Variants in CAMK2G observed in about 807,000 individuals in gnomAD.
CAMK2G encodes the protein calcium/calmodulin-dependent protein kinase type II subunit gamma.
In CAMK2G, 23 loss-of-function variants were observed where a neutral mutation model predicts 88.7. The observed-to-expected ratio is 0.26, with a 90% CI of 0.19 to 0.37. The LOEUF is 0.37. Among genes scored for constraint, CAMK2G ranks in the 10% least tolerant of loss-of-function variants. The pLI, the probability that CAMK2G is intolerant of heterozygous loss-of-function variation, is 1.00. For synonymous variants in CAMK2G, 263 were observed against 294.8 expected, an observed-to-expected ratio of 0.89 and a Z score of 1.11; for missense variants, 476 against 780.8, an observed-to-expected ratio of 0.61 and a Z score of 4.65.
intron 13 of CAMK2G, among the ~76,000 whole-genome samples, chr10:73,838,981 A>G (rs934013822): frequency 2.0e-5 from 3 of 152,150 alleles, no homozygotes; most frequent in African/African-American, 7.2e-5. Context: ...TATCATCCCC[A>G]TTGGAGAGGT....
chr10:73,852,020 T>A (rs529804066), intron 5 of CAMK2G, among the ~76,000 whole-genome samples: 1 of 152,304 alleles, frequency 6.6e-6, no homozygotes, highest in South Asian at 2.1e-4. Flanking sequence ...GTGCTGGGAT[T>A]ACAGGCATGA....
At chr10:73,815,344 A>T (rs1384384826) in intron 21 of CAMK2G, 97 bp from the exon 22 acceptor site, 12 of 818,410 alleles carry the variant, frequency 1.5e-5, no homozygotes, top group Non-Finnish European at 2.4e-5. Context: ...CTCCCAAGCA[A>T]CCACTCCCAG....
chr10:73,845,443 G>C (rs1056675917), intron 10 of CAMK2G, among the ~76,000 whole-genome samples: 2 of 151,936 alleles, frequency 1.3e-5, no homozygotes, highest in Non-Finnish European at 2.9e-5. Flanking sequence ...TTAGCCGGGC[G>C]TGGTGGCGGG....
In CAMK2G at chr10:73,839,211, C is replaced by A. The variant is rs1006301805; in HGVS notation, c.1009+328G>T. The stretch of plus-strand genomic sequence containing the variant: ...AGTCCTAGCACCGGGCAGCTCAGGG[C>A]AATGCCCAGCACTGTCTCTGAGGGC... On this transcript the variant is annotated intron_variant, in intron 13 of 22. Transcript: ENST00000423381. This position sits in a 1 kb window ranked among gnomAD's most constrained non-coding sequence, Gnocchi z 4.2. Among the ~76,000 whole-genome samples, 10 of 152,228 alleles carry A rather than the reference C, an allele frequency of 6.6e-5. No individual in the cohort carries two copies. The highest frequency in any genetic ancestry group is 4.4e-5 in the Non-Finnish European group (3 of 68,030).
intron 14 of CAMK2G, among the ~76,000 whole-genome samples, chr10:73,835,430 G>A (rs1359780084): frequency 6.6e-6 from 1 of 151,056 alleles, no homozygotes; most frequent in African/African-American, 2.4e-5. Flanking sequence ...CCAAGTAGCT[G>A]TGACTACAGA....
chr10:73,831,810 A>G (rs181838692), intron 14 of CAMK2G, among the ~76,000 whole-genome samples: 29 of 152,274 alleles, frequency 1.9e-4, no homozygotes, highest in Non-Finnish European at 2.4e-4. Flanking sequence ...CAGTGAGCCA[A>G]GATCACACCA....
Position 73,825,312 on chromosome 10 carries a change from T to C in CAMK2G, c.1122A>G (p.Pro374=). 6.2e-7 allele frequency: 1 copy of C among 1,614,068 alleles called. No individual in the cohort carries two copies. Among genetic ancestry groups the C allele is most frequent in the Non-Finnish European group, 8.5e-7 (1 of 1,179,900 alleles). The part of the protein sequence containing the change: ...QSNNKNSLVS[P]AQEPAPLQTA... ...TCTGCAAGGGCGCGGGCTCTTGGGCTGGGCTTACGAGACTGTTTTTGTTGT... is the reference window on the plus strand; with the variant it reads ...TCTGCAAGGGCGCGGGCTCTTGGGCCGGGCTTACGAGACTGTTTTTGTTGT... The change falls in exon 16 of 23, where the codon CCA becomes CCG. Residue 374 remains proline, a synonymous_variant. Transcript: ENST00000423381.
At chr10:73,873,613 G>T in intron 1 of CAMK2G, 1 of 765,800 alleles carries the variant, frequency 1.3e-6, no homozygotes, top group Non-Finnish European at 1.6e-6. Flanking sequence ...CGGCTCAACT[G>T]ACAGCAAGGG....
At chr10:73,859,965 G>A in intron 3 of CAMK2G, among the ~76,000 whole-genome samples, 1 of 152,094 alleles carries the variant, frequency 6.6e-6, no homozygotes, top group East Asian at 1.9e-4. Flanking sequence ...CTGAGATTTA[G>A]GCCATGCCTG....
chr10:73,873,741 CG>C (rs2095943521), intron 1 of CAMK2G, among the ~76,000 whole-genome samples: 1 of 42,198 alleles, frequency 2.4e-5, no homozygotes, highest in Non-Finnish European at 4.5e-5. Context: ...GCGGGCGGGG[CG>C]GGGGCTGCAG....
rs1554995765 is a variant in CAMK2G at position 73,820,492 on chromosome 10, A to ATATTTTTT, written c.1250-848_1250-847insAAAAAATA. Among the ~76,000 whole-genome samples, 18 of 51,056 alleles carry ATATTTTTT rather than the reference A, an allele frequency of 3.5e-4. 1 individual carries two copies. The highest frequency in any genetic ancestry group is 1.4e-3 in the African/African-American group (16 of 11,282). 33.5% of individuals were successfully genotyped at this position (51,056 alleles called of 152,430 possible). A position where few individuals can be genotyped will look rare whatever the true frequency, so the allele number is the denominator to read the frequency against. ...TATATATATATATATATATATATAT[A>ATATTTTTT]TTTTTTTTTTTTTTTTTTTCTTGAG... On this transcript the variant is annotated intron_variant, in intron 18 of 22. Coordinates refer to ENST00000423381, the MANE Select transcript of CAMK2G (RefSeq NM_001367534.1).
At chr10:73,840,333 G>C (rs186608049) in intron 12 of CAMK2G, among the ~76,000 whole-genome samples, 1 of 152,336 alleles carries the variant, frequency 6.6e-6, no homozygotes, top group Admixed American at 6.5e-5. Context: ...CAAACTGCTA[G>C]AGTCCAGGAT....
In CAMK2G at chr10:73,839,882, T is replaced by C. The variant is rs1156918944; in HGVS notation, c.947-281A>G. On this transcript the variant is annotated intron_variant, in intron 12 of 22. Transcript: ENST00000423381. This position sits in a 1 kb window ranked among gnomAD's most constrained non-coding sequence, Gnocchi z 4.2. ...TCTCATGACCCCCTCCGGAGGAGGG[T>C]CCACAGCGAAATGCCTGAGCCGGTG... Among the ~76,000 whole-genome samples the C allele has an allele frequency of 1.3e-5, 2 of 152,014 alleles. No individual in the cohort carries two copies. The highest frequency in any genetic ancestry group is 2.9e-5 in the Non-Finnish European group (2 of 67,954).
intron 14 of CAMK2G, among the ~76,000 whole-genome samples, chr10:73,830,630 G>A (rs997423456): frequency 4.6e-5 from 7 of 152,122 alleles, no homozygotes; most frequent in African/African-American, 1.7e-4. Flanking sequence ...AAGATAGGAT[G>A]GCCATTCTGG....
At chr10:73,850,964 T>G (rs976512686) in intron 5 of CAMK2G, among the ~76,000 whole-genome samples, 1 of 152,176 alleles carries the variant, frequency 6.6e-6, no homozygotes, top group Admixed American at 6.5e-5. Flanking sequence ...CCAAGCCCAC[T>G]GGTACAGTCA....
intron 5 of CAMK2G, among the ~76,000 whole-genome samples, chr10:73,850,269 A>AC (rs1474875167): frequency 6.6e-6 from 1 of 152,244 alleles, no homozygotes; most frequent in South Asian, 2.1e-4. Context: ...TGTTGGGATT[A>AC]CAGGCGTGAG....
chr10:73,833,296 T>G (rs1177465769), intron 14 of CAMK2G, among the ~76,000 whole-genome samples: 1 of 152,158 alleles, frequency 6.6e-6, no homozygotes, highest in African/African-American at 2.4e-5. Context: ...TAATGTCATG[T>G]TCAACATTTT....
intron 14 of CAMK2G, among the ~76,000 whole-genome samples, chr10:73,834,759 T>A (rs1292178026): frequency 6.6e-6 from 1 of 152,232 alleles, no homozygotes; most frequent in Non-Finnish European, 1.5e-5. Flanking sequence ...TGGATGTGCA[T>A]GGTTTGAGCT....
chr10:73,839,551 G>A lies in CAMK2G; in HGVS notation c.997C>T (p.Leu333=). Residue 333 remains leucine (L), a synonymous_variant, in exon 13 of 23, where the codon CTG becomes TTG. Transcript: ENST00000423381. The surrounding 1 kb of genome is among the most constrained non-coding windows in gnomAD (Gnocchi z 4.2). ...PASPAASAAG[L]AGQAAKSLLN... ...TCATGCCACGTACCTTGCCCGGCCAGGCCGGCGGCGCTCGCGGCAGGCGAG... is the reference window on the plus strand; with the variant it reads ...TCATGCCACGTACCTTGCCCGGCCAAGCCGGCGGCGCTCGCGGCAGGCGAG... 8.1e-7 allele frequency: 1 copy of A among 1,235,054 alleles called. No homozygotes were observed. Among genetic ancestry groups the A allele is most frequent in the Non-Finnish European group, 1.0e-6 (1 of 987,874 alleles). 76.5% of individuals were successfully genotyped at this position (1,235,054 alleles called of 1,614,324 possible).
Sources: allele counts gnomAD v4.1 joint callset (sites outside exome capture counted in the v4.1 genomes callset), GRCh38; gene constraint gnomAD v4.1.1; non-coding constraint Gnocchi (gnomAD v3.1); transcripts MANE v1.5; gene names NCBI Gene and HGNC (gene_info 2026-07-23, HGNC 2026-07-21).